Variants in HIP1 observed in about 807,000 individuals in gnomAD.
HIP1 encodes huntingtin-interacting protein 1.
HIP1 carries 65 observed loss-of-function variants against 147.6 expected under a neutral mutation model. The observed-to-expected ratio is 0.44, with a 90% CI of 0.36 to 0.54. HIP1 has a LOEUF of 0.54. HIP1 is among the 20% of genes least tolerant of loss of function. The probability of loss-of-function intolerance (pLI) is 0.00; values close to 1 mark genes in which losing one functional copy is unlikely to be tolerated. For synonymous variants in HIP1, 479 were observed against 504.0 expected (o/e 0.95, Z 0.67); for missense variants, 1,061 against 1,299.6 (o/e 0.82, Z 2.82).
chr7:75,533,510 AAAAC>A lies in HIP1; in HGVS notation c.*4658_*4661del, dbSNP rs1793977556. The A allele has an allele frequency of 4.3e-6, 1 of 232,296 alleles. No individual in the cohort carries two copies. 14.4% of individuals were successfully genotyped at this position (232,296 alleles called of 1,614,324 possible). On this transcript the variant is annotated 3_prime_UTR_variant, in exon 31 of 31. Transcript: ENST00000336926. ...CAGGGGAAAGGTTAAAAACAGAAGA[AAAAC>A]AAACCCAACCCTATCCCTGCAAACT...
At chr7:75,636,381 G>C (rs1198399142) in intron 1 of HIP1, among the ~76,000 whole-genome samples, 1 of 151,996 alleles carries the variant, frequency 6.6e-6, no homozygotes, top group African/African-American at 2.4e-5. Context: ...CGCAGAATCA[G>C]GTAAACTATA....
At chr7:75,644,981 G>C (rs1413191774) in intron 1 of HIP1, among the ~76,000 whole-genome samples, 1 of 152,094 alleles carries the variant, frequency 6.6e-6, no homozygotes, top group East Asian at 1.9e-4. Context: ...TCTTTCTGGG[G>C]GCATGATTAC....
intron 4 of HIP1, among the ~76,000 whole-genome samples, chr7:75,590,087 A>G (rs923861092): frequency 6.6e-6 from 1 of 152,170 alleles, no homozygotes; most frequent in African/African-American, 2.4e-5. Context: ...TAGGCTCTCA[A>G]TTATGGAAGT....
chr7:75,661,497 C>T (rs1055877139), intron 1 of HIP1, among the ~76,000 whole-genome samples: 2 of 146,854 alleles, frequency 1.4e-5, no homozygotes, highest in African/African-American at 2.6e-5. Context: ...CACTTGAACC[C>T]AGGAGGCGGA....
intron 5 of HIP1, among the ~76,000 whole-genome samples, chr7:75,583,979 G>A (rs184027404): frequency 1.4e-3 from 202 of 149,628 alleles, no homozygotes; most frequent in Non-Finnish European, 2.4e-3. Context: ...TGTTGTTTTC[G>A]AGACGGAGTC....
intron 1 of HIP1, among the ~76,000 whole-genome samples, chr7:75,664,134 G>T (rs369419487): frequency 3.0e-5 from 1 of 33,492 alleles, no homozygotes; most frequent in South Asian, 8.1e-4. Flanking sequence ...ACACACATGT[G>T]TGTACATACA....
chr7:75,720,453 GC>G (rs1311308590), intron 1 of HIP1, among the ~76,000 whole-genome samples: 1 of 152,080 alleles, frequency 6.6e-6, no homozygotes, highest in African/African-American at 2.4e-5. Flanking sequence ...GAGTTACCAT[GC>G]CCAGCCTCAA....
chr7:75,585,253 C>A (rs1307964549), intron 5 of HIP1, among the ~76,000 whole-genome samples: 1 of 151,034 alleles, frequency 6.6e-6, no homozygotes, highest in East Asian at 1.9e-4. Context: ...GGCAGCATCT[C>A]GGCTCGCTGC....
Position 75,629,947 on chromosome 7 carries a change from C to T in HIP1, c.121-30700G>A, listed in dbSNP as rs1212840395. ...GCCGAGGCAGGAGTATTGCTTGAGG[C>T]CAGCAGTTCAAAACCAGCCAGGGAA... On this transcript the variant is annotated intron_variant, in intron 1 of 30. Coordinates refer to ENST00000336926, the MANE Select transcript of HIP1 (RefSeq NM_005338.7). Among the ~76,000 whole-genome samples, 3 of 152,096 alleles carry T rather than the reference C, an allele frequency of 2.0e-5. No individual in the cohort carries two copies. The South Asian group carries it at 6.2e-4, about 31-fold the overall frequency.
At chr7:75,544,897 C>A in intron 26 of HIP1, 97 bp from the exon 27 acceptor site, 1 of 868,260 alleles carries the variant, frequency 1.2e-6, no homozygotes, top group Non-Finnish European at 1.9e-6. Context: ...CTTGGCTAAA[C>A]AGGGAGGGGA....
chr7:75,674,444 C>T (rs986647006), intron 1 of HIP1, among the ~76,000 whole-genome samples: 5 of 152,000 alleles, frequency 3.3e-5, no homozygotes, highest in African/African-American at 4.8e-5. Flanking sequence ...GCAGTTTTCT[C>T]CTTTCATCAC....
At chr7:75,652,571 C>G (rs1385657952) in intron 1 of HIP1, among the ~76,000 whole-genome samples, 2 of 151,954 alleles carry the variant, frequency 1.3e-5, no homozygotes, top group Admixed American at 6.6e-5. Context: ...GTTTTTGTTG[C>G]CTGGGCTGGT....
chr7:75,707,660 G>A (rs1801044900), intron 1 of HIP1, among the ~76,000 whole-genome samples: 1 of 150,230 alleles, frequency 6.7e-6, no homozygotes, highest in African/African-American at 2.5e-5. Context: ...TAAGCCAAAA[G>A]AACAAAGCTG....
At chr7:75,571,543 A>C (rs181362117) in intron 8 of HIP1, among the ~76,000 whole-genome samples, 1 of 152,234 alleles carries the variant, frequency 6.6e-6, no homozygotes, top group South Asian at 2.1e-4. Context: ...CTTGTCAATA[A>C]CCGCAGTTAC....
Position 75,544,701 on chromosome 7 carries a change from T to A in HIP1, c.2760A>T (p.Ala920=), listed in dbSNP as rs769960530. The A allele has an allele frequency of 3.4e-5, 54 of 1,606,578 alleles. No individual in the cohort carries two copies. The highest frequency in any genetic ancestry group is 4.4e-5 in the Non-Finnish European group (52 of 1,173,202). ...IAASTAQLVA[A]SKVKADKDSP... ...AGGTCCAGCCAGGTCCTACCTTGGA[T>A]GCAGCCACAAGCTGGGCTGTGCTAG... Residue 920 remains alanine, a synonymous_variant, in exon 27 of 31, where the codon GCA becomes GCT. Transcript: ENST00000336926.
chr7:75,539,525 G>T, intron 29 of HIP1, 94 bp from the exon 30 acceptor site: 1 of 1,000,640 alleles, frequency 1.0e-6, no homozygotes, highest in Non-Finnish European at 1.5e-6. Flanking sequence ...TTGTTCTGCT[G>T]CCCAGGCTGG....
chr7:75,658,351 A>C (rs1799206194), intron 1 of HIP1, among the ~76,000 whole-genome samples: 1 of 152,184 alleles, frequency 6.6e-6, no homozygotes, highest in African/African-American at 2.4e-5. Flanking sequence ...TGGCCTCCCA[A>C]AGTGTTGGGA....
chr7:75,571,091 A>G (rs1795614129), intron 8 of HIP1, among the ~76,000 whole-genome samples: 1 of 152,140 alleles, frequency 6.6e-6, no homozygotes, highest in African/African-American at 2.4e-5. Context: ...CTCAGCCCAG[A>G]GGCAGTGTGG....
chr7:75,549,571 T>C (rs1421861026), intron 22 of HIP1, among the ~76,000 whole-genome samples: 4 of 151,880 alleles, frequency 2.6e-5, no homozygotes, highest in Non-Finnish European at 5.9e-5. Flanking sequence ...GGTTTCACTA[T>C]TTTGCCCAGG....
Sources: allele counts gnomAD v4.1 joint callset (sites outside exome capture counted in the v4.1 genomes callset), GRCh38; gene constraint gnomAD v4.1.1; transcripts MANE v1.5; gene names NCBI Gene and HGNC (gene_info 2026-07-23, HGNC 2026-07-21).